Variants in GLB1L observed in about 807,000 individuals in gnomAD.
GLB1L encodes the protein beta-galactosidase-1-like protein.
A neutral mutation model predicts 75.7 loss-of-function variants in GLB1L; 58 were observed. The observed-to-expected ratio is 0.77, with a 90% CI of 0.62 to 0.95. The LOEUF is 0.95. Ranked by LOEUF, GLB1L falls within the 40% of genes least tolerant of loss-of-function variation. The pLI, the probability that GLB1L is intolerant of heterozygous loss-of-function variation, is 0.00. For synonymous variants in GLB1L, 296 were observed against 303.0 expected (o/e 0.98, Z 0.24); for missense variants, 797 against 805.5 (o/e 0.99, Z 0.13).
In GLB1L at chr2:219,239,135, T is replaced by TCC; in HGVS notation, c.1017_1018dup (p.Asp340GlyfsTer32). ...AAGAGCAAAAAGCTTAGGTGTGGGG[T>TCC]CCCCTGCTTCAGATATAGGTGCATC... On this transcript the variant is annotated frameshift_variant, in exon 11 of 17. Transcript: ENST00000295759. LOFTEE classifies it high-confidence loss of function. The TCC allele has an allele frequency of 6.2e-7, 1 of 1,614,012 alleles. No individual in the cohort carries two copies.
chr2:219,239,673 CAG>C lies in GLB1L; in HGVS notation c.788_789del (p.Ser263Ter). ...KYEPHGPLVN[S>X]EYYTGWLDYW... ...TAATCCAGCCAGCCTGTGTAGTACT[CAG>C]AGTTTACCTAGAGTGTGAAATGAAA... is the stretch of plus-strand genomic sequence containing the variant. On this transcript the variant is annotated frameshift_variant, in exon 9 of 17. Coordinates refer to ENST00000295759, the MANE Select transcript of GLB1L (RefSeq NM_001286423.2). LOFTEE classifies it high-confidence loss of function. 6.2e-7 allele frequency: 1 copy of C among 1,614,190 alleles called. No individual in the cohort carries two copies. The highest frequency in any genetic ancestry group is 8.5e-7 in the Non-Finnish European group (1 of 1,180,038).
chr2:219,237,166 AG>A lies in GLB1L; in HGVS notation c.1870del (p.Leu624SerfsTer20), dbSNP rs745537696. ...CCTGTGCAAAGTACTAGTGCTATTG[AG>A]GATAGGCTTATCCAAAAATTGGACT... ...PQVQFLDKPI[L>X]NSTSTLHRTH... On this transcript the variant is annotated frameshift_variant, in exon 17 of 17. Coordinates refer to ENST00000295759, the MANE Select transcript of GLB1L (RefSeq NM_001286423.2). LOFTEE classifies it low-confidence loss of function (END_TRUNC). 23 of 1,614,092 alleles carry A rather than the reference AG, an allele frequency of 1.4e-5. No homozygotes were observed. The highest frequency in any genetic ancestry group is 1.9e-5 in the Non-Finnish European group (22 of 1,179,950).
At chr2:219,240,788 A>G (rs772388358) in intron 5 of GLB1L, among the ~76,000 whole-genome samples, 1 of 151,724 alleles carries the variant, frequency 6.6e-6, no homozygotes, top group Admixed American at 6.6e-5. Flanking sequence ...AGACTAAAAT[A>G]TAGAGGGGAT....
At chr2:219,240,885 C>A (rs1434986767) in intron 5 of GLB1L, among the ~76,000 whole-genome samples, 2 of 151,746 alleles carry the variant, frequency 1.3e-5, no homozygotes, top group African/African-American at 4.8e-5. Context: ...GAGTTTGAGA[C>A]CCTCATGGCC....
Position 219,243,587 on chromosome 2 carries a change from C to T in GLB1L, c.-14G>A. 4.3e-6 allele frequency: 7 copies of T among 1,613,686 alleles called. No homozygotes were observed. Among genetic ancestry groups the T allele is most frequent in the Non-Finnish European group, 5.9e-6 (7 of 1,179,622 alleles). ...CTTGGGAGCCATGGCGTTTACAGCG[C>T]TCCTCTAGTCTGAGACGGCGGACAG... On this transcript the variant is annotated 5_prime_UTR_variant, in exon 2 of 17. Transcript: ENST00000295759.
rs1415418689 is a variant in GLB1L, at chr2:219,242,936, T to TAATAGGAAC, written c.240-27_240-19dup. On this transcript the variant is annotated intron_variant, in intron 3 of 16. Coordinates refer to ENST00000295759, the MANE Select transcript of GLB1L (RefSeq NM_001286423.2). Reference sequence around the variant, plus strand: ...GCACATAACTGAGAAAGGAAGAGGTTAATAGGAACCAAGGTGAAGAGACGC... The same window carrying TAATAGGAAC: ...GCACATAACTGAGAAAGGAAGAGGTTAATAGGAACAATAGGAACCAAGGTGAAGAGACGC... 7 of 1,613,982 alleles carry TAATAGGAAC rather than the reference T, an allele frequency of 4.3e-6. 1 individual carries two copies. The South Asian group carries it at 7.7e-5, about 18-fold the overall frequency.
intron 1 of GLB1L, among the ~76,000 whole-genome samples, chr2:219,244,378 A>T (rs533550433): frequency 1.6e-4 from 25 of 152,306 alleles, no homozygotes; most frequent in Admixed American, 1.6e-3. Context: ...GGATGAATCA[A>T]TGTCATAACC....
In GLB1L at chr2:219,242,065, G is replaced by T. The variant is rs541830455; in HGVS notation, c.451+449C>A. 5.3e-5 allele frequency among the ~76,000 whole-genome samples: 8 copies of T among 152,280 alleles called. No individual in the cohort carries two copies. In the East Asian group the frequency reaches 1.4e-3, roughly 26 times the overall value. ...TGTAGTTGTTCAATCTCGGCTCACT[G>T]CAACCTCTGACCCCCGGGCCCAAGT... On this transcript the variant is annotated intron_variant, in intron 5 of 16. Transcript: ENST00000295759.
chr2:219,241,176 C>T (rs1472567291), intron 5 of GLB1L, among the ~76,000 whole-genome samples: 8 of 151,638 alleles, frequency 5.3e-5, no homozygotes, highest in Non-Finnish European at 1.2e-4. Flanking sequence ...GTCAGGAGAT[C>T]GAGACCATCC....
Position 219,242,855 on chromosome 2 carries a change from G to A in GLB1L, c.303C>T (p.Asp101=). ...CTGCCTCATTCAGAAAGGCAATGAG[G>A]TCCCGGCTGCCATTAAAGTTATAGA... is the stretch of plus-strand genomic sequence containing the variant. The part of the protein sequence containing the change: ...PGVYNFNGSR[D]LIAFLNEAAL... Residue 101 remains aspartate, a synonymous_variant, in exon 4 of 17, where the codon GAC becomes GAT. Transcript: ENST00000295759. 1 of 1,614,182 alleles carries A rather than the reference G, an allele frequency of 6.2e-7. No homozygotes were observed. Among genetic ancestry groups the A allele is most frequent in the Non-Finnish European group, 8.5e-7 (1 of 1,180,028 alleles).
At chr2:219,238,409 G>A (rs1450406708) in intron 13 of GLB1L, 46 bp from the exon 14 acceptor site, 2 of 1,557,308 alleles carry the variant, frequency 1.3e-6, no homozygotes. Context: ...AAATAAAAGA[G>A]GACACTGTGA....
At chr2:219,238,138 C>A in intron 14 of GLB1L, 112 bp downstream of exon 14, 3 of 1,049,524 alleles carry the variant, frequency 2.9e-6, no homozygotes, top group African/African-American at 1.6e-5. Context: ...CCCTGGAACC[C>A]TCTGCAAACG....
In GLB1L at chr2:219,241,013, G is replaced by A. The variant is rs548341564; in HGVS notation, c.452-728C>T. 3.3e-5 allele frequency among the ~76,000 whole-genome samples: 5 copies of A among 151,428 alleles called. No homozygotes were observed. The East Asian group carries it at 7.8e-4, about 24-fold the overall frequency. On this transcript the variant is annotated intron_variant, in intron 5 of 16. Coordinates refer to ENST00000295759, the MANE Select transcript of GLB1L (RefSeq NM_001286423.2). ...GCAGGAGAATCACTTGAACCCAATC[G>A]GAGGTTGCAGTGAGCCAAGGTCACG...
At position 219,236,696 on chromosome 2, in the gene GLB1L, C is replaced by A; in HGVS notation, c.*376G>T. ...TCAGAGGCACTGTGGCCTTTAGTTC[C>A]TTAGGGTCACCGTGGCCAGCACCAA... is the stretch of plus-strand genomic sequence containing the variant. On this transcript the variant is annotated 3_prime_UTR_variant, in exon 17 of 17. Coordinates refer to ENST00000295759, the MANE Select transcript of GLB1L (RefSeq NM_001286423.2). The A allele has an allele frequency of 2.0e-6, 1 of 495,422 alleles. No homozygotes were observed. Among genetic ancestry groups the A allele is most frequent in the East Asian group, 3.5e-5 (1 of 28,380 alleles). The allele number at this position is 495,422 out of a possible 1,614,324, so 30.7% of individuals were successfully genotyped here.
chr2:219,242,721 G>T, intron 4 of GLB1L, 47 bp downstream of exon 4: 1 of 1,607,850 alleles, frequency 6.2e-7, no homozygotes, highest in South Asian at 1.1e-5. Context: ...AGTAGTCTAG[G>T]AACTGCACAA....
rs368729395 is a variant in GLB1L at position 219,240,113 on chromosome 2, A to G, written c.547-19T>C. 116 of 1,614,048 alleles carry G rather than the reference A, an allele frequency of 7.2e-5. No homozygotes were observed. Among genetic ancestry groups the G allele is most frequent in the Non-Finnish European group, 9.0e-5 (106 of 1,180,012 alleles). ...TCTCCACCTGCCAGAGGGGAGGGAAAGTGGAACCCAGCTATGGGATGGAGG... is the reference window on the plus strand; with the variant it reads ...TCTCCACCTGCCAGAGGGGAGGGAAGGTGGAACCCAGCTATGGGATGGAGG... On this transcript the variant is annotated intron_variant, in intron 6 of 16. Coordinates refer to ENST00000295759, the MANE Select transcript of GLB1L (RefSeq NM_001286423.2).
In GLB1L at chr2:219,237,967, GGA is replaced by G. The variant is rs774512311; in HGVS notation, c.1342-12_1342-11del. 18 of 1,613,828 alleles carry G rather than the reference GGA, an allele frequency of 1.1e-5. No individual in the cohort carries two copies. The highest frequency in any genetic ancestry group is 1.5e-5 in the Non-Finnish European group (18 of 1,179,878). ...CAACACCCTGGAACACCTGTGGATA[GGA>G]GATAGGATAGGAGCAAGGCTCAGCA... is the stretch of plus-strand genomic sequence containing the variant. On this transcript the variant is annotated splice_polypyrimidine_tract_variant and intron_variant, in intron 14 of 16. Transcript: ENST00000295759.
intron 5 of GLB1L, among the ~76,000 whole-genome samples, chr2:219,242,087 A>G (rs1951407169): frequency 6.6e-6 from 1 of 152,172 alleles, no homozygotes; most frequent in Non-Finnish European, 1.5e-5. Flanking sequence ...CCCCGGGCCC[A>G]AGTGATTCTC....
intron 5 of GLB1L, among the ~76,000 whole-genome samples, chr2:219,240,833 C>T (rs1951368050): frequency 1.3e-5 from 2 of 152,296 alleles, no homozygotes; most frequent in Admixed American, 6.5e-5. Context: ...GTAATCCCAG[C>T]ACTTTCTGAG....
Sources: allele counts gnomAD v4.1 joint callset (sites outside exome capture counted in the v4.1 genomes callset), GRCh38; gene constraint gnomAD v4.1.1; transcripts MANE v1.5; gene names NCBI Gene and HGNC (gene_info 2026-07-23, HGNC 2026-07-21).